The following JMJD1C variants were observed in gnomAD, a reference collection of about 807,000 sequenced individuals.
JMJD1C encodes jumonji domain containing 1C.
JMJD1C carries 31 observed loss-of-function variants against 245.3 expected under a neutral mutation model. That is an observed-to-expected ratio of 0.13 (90% CI 0.09 to 0.17). JMJD1C has a LOEUF of 0.17. JMJD1C is among the 10% of genes least tolerant of loss of function. The pLI, the probability that JMJD1C is intolerant of heterozygous loss-of-function variation, is 1.00. For missense variants in JMJD1C, 2,691 were observed against 3,000.2 expected, an observed-to-expected ratio of 0.90 and a Z score of 2.41; for synonymous variants, 1,057 against 1,017.4, an observed-to-expected ratio of 1.04 and a Z score of -0.74.
At chr10:63,201,727 C>T (rs889685597) in intron 10 of JMJD1C, among the ~76,000 whole-genome samples, 56 of 151,860 alleles carry the variant, frequency 3.7e-4, no homozygotes, top group African/African-American at 1.3e-3. Flanking sequence ...GTCGGGAGTT[C>T]GAGACCAGCC....
chr10:63,354,090 T>C (rs1944597892), intron 2 of JMJD1C, among the ~76,000 whole-genome samples: 1 of 152,170 alleles, frequency 6.6e-6, no homozygotes, highest in Non-Finnish European at 1.5e-5. Context: ...CTGCCCGCCT[T>C]GGCCTCCCAA....
intron 2 of JMJD1C, among the ~76,000 whole-genome samples, chr10:63,293,403 C>G (rs1289786221): frequency 6.6e-6 from 1 of 152,190 alleles, no homozygotes; most frequent in African/African-American, 2.4e-5. Context: ...TAGCCATATT[C>G]TGATGATCAG....
chr10:63,229,705 T>C (rs1003592754), intron 3 of JMJD1C, among the ~76,000 whole-genome samples: 1 of 152,244 alleles, frequency 6.6e-6, no homozygotes, highest in Non-Finnish European at 1.5e-5. Context: ...AGATTTATTT[T>C]TTTATTGGCT....
At chr10:63,209,368 C>G (rs1847049151) in intron 8 of JMJD1C, 133 bp from the exon 9 acceptor site, 1 of 570,908 alleles carries the variant, frequency 1.8e-6, no homozygotes, top group Admixed American at 4.0e-5. Context: ...CTTTGGGAAA[C>G]TTGTAACTTT....
chr10:63,410,702 A>G (rs1214819449), intron 1 of JMJD1C, among the ~76,000 whole-genome samples: 1 of 152,076 alleles, frequency 6.6e-6, no homozygotes, highest in Non-Finnish European at 1.5e-5. Flanking sequence ...GTATGTTTTT[A>G]TTATATATTT....
At chr10:63,418,826 T>G (rs1949944434) in intron 1 of JMJD1C, among the ~76,000 whole-genome samples, 1 of 152,214 alleles carries the variant, frequency 6.6e-6, no homozygotes, top group Non-Finnish European at 1.5e-5. Flanking sequence ...ATGCCTGTAA[T>G]CCCAGCATTT....
rs367650429 is a variant in JMJD1C, at chr10:63,198,608, A to G, written c.5396T>C (p.Ile1799Thr). 12 of 1,606,646 alleles carry G rather than the reference A, an allele frequency of 7.5e-6. No homozygotes were observed. Among genetic ancestry groups the G allele is most frequent in the East Asian group, 2.2e-5 (1 of 44,688 alleles). The part of the protein sequence containing the change: ...HENFEDDELD[I>T]ETSKYILDII... ...ATCCAAGATATATTTAGAAGTCTCT[A>G]TATCTAGTTCATCATCTTCAAAATT... Residue 1799 changes from isoleucine (I) to threonine (T), a missense_variant, in exon 12 of 26, where the codon ATA becomes ACA. Ile to Thr is a moderately conservative substitution (Grantham distance 89). Around this residue, in one of 9 missense-constraint regions of JMJD1C, gnomAD observed 139 missense variants for 270.5 expected, o/e 0.51. Coordinates refer to ENST00000399262, the MANE Select transcript of JMJD1C (RefSeq NM_032776.3).
intron 3 of JMJD1C, among the ~76,000 whole-genome samples, chr10:63,232,332 A>G (rs551115093): frequency 1.4e-4 from 22 of 152,166 alleles, no homozygotes; most frequent in Middle Eastern, 6.8e-3. Context: ...TTCAGAAAAG[A>G]AATTTTATTA....
intron 1 of JMJD1C, among the ~76,000 whole-genome samples, chr10:63,451,298 C>T (rs911504799): frequency 2.0e-5 from 3 of 152,090 alleles, no homozygotes; most frequent in Non-Finnish European, 4.4e-5. Context: ...CACATGGAAT[C>T]GCAGGGGACC....
At chr10:63,352,321 G>A (rs1258867204) in intron 2 of JMJD1C, among the ~76,000 whole-genome samples, 1 of 152,102 alleles carries the variant, frequency 6.6e-6, no homozygotes. Flanking sequence ...AAGTTTATTA[G>A]ATACCAATAA....
chr10:63,519,973 GAAT>G (rs1328619215), intron 1 of JMJD1C, among the ~76,000 whole-genome samples: 2 of 152,128 alleles, frequency 1.3e-5, no homozygotes, highest in African/African-American at 2.4e-5. Flanking sequence ...AAATAATGCT[GAAT>G]AATGGCCAAA....
intron 3 of JMJD1C, among the ~76,000 whole-genome samples, chr10:63,252,377 C>A (rs561700015): frequency 6.6e-6 from 1 of 152,206 alleles, no homozygotes; most frequent in East Asian, 1.9e-4. Context: ...GCAGATTACC[C>A]CTAACACATG....
chr10:63,348,210 A>C (rs1216740977), intron 2 of JMJD1C, among the ~76,000 whole-genome samples: 1 of 151,360 alleles, frequency 6.6e-6, no homozygotes, highest in Non-Finnish European at 1.5e-5. Flanking sequence ...CATCTCAAAA[A>C]AAAAAAAAAA....
intron 2 of JMJD1C, among the ~76,000 whole-genome samples, chr10:63,296,448 T>A (rs912348667): frequency 7.2e-5 from 11 of 152,214 alleles, no homozygotes; most frequent in Non-Finnish European, 1.3e-4. Flanking sequence ...CATTAGGCAG[T>A]ACTCGGCACT....
intron 2 of JMJD1C, among the ~76,000 whole-genome samples, chr10:63,296,395 T>C (rs568791329): frequency 6.6e-6 from 1 of 152,220 alleles, no homozygotes; most frequent in South Asian, 2.1e-4. Context: ...ACATGTATTT[T>C]CCACAAAAGG....
chr10:63,400,780 G>C (rs182215013), intron 1 of JMJD1C, among the ~76,000 whole-genome samples: 55 of 151,612 alleles, frequency 3.6e-4, no homozygotes, highest in African/African-American at 1.3e-3. Flanking sequence ...CACCATGTTG[G>C]CCAGGCTGGT....
chr10:63,232,123 C>T (rs1850099282), intron 3 of JMJD1C, among the ~76,000 whole-genome samples: 1 of 152,182 alleles, frequency 6.6e-6, no homozygotes, highest in Non-Finnish European at 1.5e-5. Flanking sequence ...CAGGCGTGAG[C>T]CACAGCACCC....
chr10:63,422,670 G>T (rs1417779568), intron 1 of JMJD1C, among the ~76,000 whole-genome samples: 1 of 152,124 alleles, frequency 6.6e-6, no homozygotes, highest in Non-Finnish European at 1.5e-5. Context: ...TGCGTAGAGA[G>T]CATGAGGGCA....
chr10:63,457,290 C>G (rs921896089), intron 1 of JMJD1C, among the ~76,000 whole-genome samples: 8 of 152,146 alleles, frequency 5.3e-5, no homozygotes, highest in Admixed American at 3.3e-4. Context: ...AAGGTGTTTT[C>G]AAGCCCAGGT....
Sources: gnomAD v4.1 joint callset for allele counts (sites outside exome capture counted in the v4.1 genomes callset) on GRCh38, gnomAD v4.1.1 for gene constraint, gnomAD v4.1.1 regional missense constraint, MANE v1.5 for transcripts, NCBI Gene and HGNC (gene_info 2026-07-23, HGNC 2026-07-21) for gene names.